The following SH3GL2 variants were observed in gnomAD, a reference collection of about 807,000 sequenced individuals.
SH3GL2 encodes the protein endophilin-A1.
A neutral mutation model predicts 46.0 loss-of-function variants in SH3GL2; 24 were observed. The observed-to-expected ratio is 0.52, with a 90% confidence interval of 0.38 to 0.73. The LOEUF (loss-of-function observed/expected upper bound fraction) is 0.73. Among genes scored for constraint, SH3GL2 ranks in the 30% least tolerant of loss-of-function variants. The pLI is 0.00. For synonymous variants in SH3GL2, 196 were observed against 147.1 expected (o/e 1.33, Z -2.40); for missense variants, 413 against 424.2 (o/e 0.97, Z 0.23).
chr9:17,746,960 G>A, intron 1 of SH3GL2, 106 bp from the exon 2 acceptor site: 1 of 731,636 alleles, frequency 1.4e-6, no homozygotes, highest in Non-Finnish European at 2.3e-6. Flanking sequence ...TCAGGGAATG[G>A]TTGTGAGATT....
At chr9:17,712,837 A>ATCC (rs2118284484) in intron 1 of SH3GL2, among the ~76,000 whole-genome samples, 1 of 144,314 alleles carries the variant, frequency 6.9e-6, no homozygotes, top group African/African-American at 2.7e-5. Context: ...CCATCCATCC[A>ATCC]ACCACCCACC....
chr9:17,618,558 G>A (rs903607612), intron 1 of SH3GL2, among the ~76,000 whole-genome samples: 1 of 152,142 alleles, frequency 6.6e-6, no homozygotes, highest in African/African-American at 2.4e-5. Flanking sequence ...CCTTGCCTGT[G>A]TTGATGTAAA....
intron 1 of SH3GL2, among the ~76,000 whole-genome samples, chr9:17,602,921 C>G (rs1453547603): frequency 6.6e-6 from 1 of 152,154 alleles, no homozygotes; most frequent in Non-Finnish European, 1.5e-5. Context: ...TAAAATCTTC[C>G]TCATTGTGGT....
At chr9:17,732,643 G>A (rs1252348921) in intron 1 of SH3GL2, among the ~76,000 whole-genome samples, 1 of 152,042 alleles carries the variant, frequency 6.6e-6, no homozygotes. Flanking sequence ...GTCTTCATGG[G>A]GAATGGTATA....
chr9:17,686,537 C>T (rs867666967), intron 1 of SH3GL2, among the ~76,000 whole-genome samples: 1,524 of 147,722 alleles, frequency 0.01, 35 homozygotes, highest in Middle Eastern at 0.021. Context: ...TTGGAACCAA[C>T]CCAAATGTCC....
At chr9:17,786,840 A>G (rs1823972594) in intron 4 of SH3GL2, among the ~76,000 whole-genome samples, 1 of 152,064 alleles carries the variant, frequency 6.6e-6, no homozygotes, top group African/African-American at 2.4e-5. Context: ...AAGCAGAGTG[A>G]GCAGGCACAG....
chr9:17,748,959 G>GTCC (rs1822768886), intron 2 of SH3GL2, among the ~76,000 whole-genome samples: 1 of 152,224 alleles, frequency 6.6e-6, no homozygotes, highest in African/African-American at 2.4e-5. Flanking sequence ...AAGAGGCAGG[G>GTCC]TCCTGTGAAA....
chr9:17,641,438 T>C (rs922792928), intron 1 of SH3GL2, among the ~76,000 whole-genome samples: 2 of 152,114 alleles, frequency 1.3e-5, no homozygotes, highest in African/African-American at 4.8e-5. Flanking sequence ...CTTGAAAACT[T>C]TACTTATTTA....
rs75210480 is a variant in SH3GL2 at position 17,691,846 on chromosome 9, C to T, written c.46-55220C>T. Among the ~76,000 whole-genome samples the T allele has an allele frequency of 6.2e-3, 943 of 152,188 alleles. 13 individuals are homozygous for T. Among genetic ancestry groups the T allele is most frequent in the African/African-American group, 0.022 (906 of 41,528 alleles). ...AATTAGTGGTTTTGTACACTTTTGA[C>T]AGTTATTACAAAGTACTATATATTC... On this transcript the variant is annotated intron_variant, in intron 1 of 8. Coordinates refer to ENST00000380607, the MANE Select transcript of SH3GL2 (RefSeq NM_003026.5).
At chr9:17,641,111 CT>C (rs1478049644) in intron 1 of SH3GL2, among the ~76,000 whole-genome samples, 1 of 152,038 alleles carries the variant, frequency 6.6e-6, no homozygotes, top group Non-Finnish European at 1.5e-5. Flanking sequence ...ATAAAGGAGC[CT>C]TTTTTGGGGT....
In SH3GL2 at chr9:17,732,798, A is replaced by G. The variant is rs1273283808; in HGVS notation, c.46-14268A>G. ...AAATGTTCACCAACAGCTTTTAGCA[A>G]TATAAACAGTTATGAGAAGCAAATT... is the stretch of plus-strand genomic sequence containing the variant. On this transcript the variant is annotated intron_variant, in intron 1 of 8. Coordinates refer to ENST00000380607, the MANE Select transcript of SH3GL2 (RefSeq NM_003026.5). Among the ~76,000 whole-genome samples, 6 of 152,288 alleles carry G rather than the reference A, an allele frequency of 3.9e-5. No homozygotes were observed. The East Asian group carries it at 1.2e-3, about 29-fold the overall frequency.
intron 3 of SH3GL2, among the ~76,000 whole-genome samples, chr9:17,762,348 A>G (rs137910985): frequency 8.3e-4 from 126 of 151,794 alleles, no homozygotes; most frequent in African/African-American, 2.9e-3. Flanking sequence ...GGTGCAGACA[A>G]CTGCTTCAGC....
intron 1 of SH3GL2, among the ~76,000 whole-genome samples, chr9:17,712,378 C>G (rs1821649243): frequency 6.6e-6 from 1 of 151,726 alleles, no homozygotes; most frequent in African/African-American, 2.4e-5. Context: ...CTAAAAAAAA[C>G]TTTGCCGAAC....
chr9:17,612,763 GCAAT>G (rs1037333687), intron 1 of SH3GL2, among the ~76,000 whole-genome samples: 6 of 152,046 alleles, frequency 3.9e-5, no homozygotes, highest in Non-Finnish European at 8.8e-5. Flanking sequence ...ACCCATAACC[GCAAT>G]CAATTTTGGA....
intron 3 of SH3GL2, among the ~76,000 whole-genome samples, chr9:17,784,205 A>G (rs1369736226): frequency 1.3e-5 from 2 of 152,160 alleles, no homozygotes; most frequent in South Asian, 2.1e-4. Flanking sequence ...GAACATATCC[A>G]AGATACTCTT....
At chr9:17,580,035 T>G (rs1181797428) in intron 1 of SH3GL2, among the ~76,000 whole-genome samples, 2 of 152,236 alleles carry the variant, frequency 1.3e-5, no homozygotes, top group Non-Finnish European at 2.9e-5. Flanking sequence ...CCATTTTTCT[T>G]TATGGGGTTA....
chr9:17,669,060 G>A (rs79872359), intron 1 of SH3GL2, among the ~76,000 whole-genome samples: 3,892 of 152,242 alleles, frequency 0.026, 70 homozygotes, highest in African/African-American at 0.034. Flanking sequence ...GGACTTCAAA[G>A]TCCGTTTCTC....
chr9:17,783,350 A>C (rs1051218858), intron 3 of SH3GL2, among the ~76,000 whole-genome samples: 2 of 151,646 alleles, frequency 1.3e-5, no homozygotes, highest in African/African-American at 4.8e-5. Flanking sequence ...ATTTAGCAGA[A>C]GTACTGAGTT....
intron 1 of SH3GL2, among the ~76,000 whole-genome samples, chr9:17,650,832 G>T (rs1244940059): frequency 6.6e-6 from 1 of 152,184 alleles, no homozygotes; most frequent in East Asian, 1.9e-4. Context: ...GCCTTCTGCT[G>T]CATTAGGAGA....
Sources: gnomAD v4.1 joint callset for allele counts (sites outside exome capture counted in the v4.1 genomes callset) on GRCh38, gnomAD v4.1.1 for gene constraint, MANE v1.5 for transcripts, NCBI Gene and HGNC (gene_info 2026-07-23, HGNC 2026-07-21) for gene names.